Variants in ATP8A2 observed in about 807,000 individuals in gnomAD.
The protein encoded by ATP8A2 is phospholipid-transporting ATPase IB.
ATP8A2 carries 100 observed loss-of-function variants against 165.6 expected under a neutral mutation model. The ratio of observed to expected loss-of-function variants is 0.60; its 90% CI spans 0.51 to 0.71. ATP8A2 has a LOEUF of 0.71. Ranked by LOEUF, ATP8A2 falls within the 30% of genes least tolerant of loss-of-function variation. ATP8A2 has a pLI of 0.00. For missense variants in ATP8A2, 1,227 were observed against 1,479.5 expected (o/e 0.83, Z 2.80); for synonymous variants, 543 against 548.8 (o/e 0.99, Z 0.15).
intron 24 of ATP8A2, among the ~76,000 whole-genome samples, chr13:25,694,499 C>A (rs2042794769): frequency 6.6e-6 from 1 of 152,170 alleles, no homozygotes; most frequent in Non-Finnish European, 1.5e-5. Context: ...ATTTCCCAGA[C>A]TTACCTGAAT....
chr13:25,423,425 A>G (rs759985459), intron 1 of ATP8A2, among the ~76,000 whole-genome samples: 2 of 152,238 alleles, frequency 1.3e-5, no homozygotes, highest in African/African-American at 2.4e-5. Flanking sequence ...TTGCTGAGTG[A>G]TCCTTGGTCA....
At chr13:25,723,379 C>CTTTATACT (rs138168187) in intron 25 of ATP8A2, among the ~76,000 whole-genome samples, 2,941 of 152,218 alleles carry the variant, frequency 0.019, 82 homozygotes, top group African/African-American at 0.066. Context: ...CTTTCTCTAA[C>CTTTATACT]TTTATACTTT....
intron 1 of ATP8A2, among the ~76,000 whole-genome samples, chr13:25,385,181 G>T (rs927075914): frequency 2.0e-5 from 3 of 152,188 alleles, no homozygotes; most frequent in Admixed American, 2.0e-4. Context: ...TTCTTTTGCT[G>T]AAATGCCTGC....
At chr13:25,915,172 T>A (rs1954232187) in intron 33 of ATP8A2, among the ~76,000 whole-genome samples, 1 of 152,186 alleles carries the variant, frequency 6.6e-6, no homozygotes. Context: ...TTCTGTGAAA[T>A]TCTTCTTTAT....
intron 33 of ATP8A2, among the ~76,000 whole-genome samples, chr13:25,895,612 C>G (rs199519575): frequency 6.6e-6 from 1 of 152,068 alleles, no homozygotes; most frequent in Non-Finnish European, 1.5e-5. Flanking sequence ...GGAATGGTAC[C>G]AGCTCCTCCT....
intron 25 of ATP8A2, among the ~76,000 whole-genome samples, chr13:25,741,466 A>G (rs894129929): frequency 5.3e-5 from 8 of 152,184 alleles, no homozygotes; most frequent in African/African-American, 1.9e-4. Context: ...CTGCAGCCGC[A>G]AGCTCCCTGG....
At chr13:25,863,305 G>A (rs1040742406) in intron 33 of ATP8A2, 1 of 152,524 alleles carries the variant, frequency 6.6e-6, no homozygotes, top group African/African-American at 2.4e-5. Flanking sequence ...CTATTCTCTG[G>A]GCTCCCAGGA....
chr13:25,489,779 C>T (rs578184895), intron 2 of ATP8A2, among the ~76,000 whole-genome samples: 2 of 152,282 alleles, frequency 1.3e-5, no homozygotes, highest in South Asian at 2.1e-4. Context: ...ACTTATGCCT[C>T]GGAAATTGAT....
intron 19 of ATP8A2, 61 bp from the exon 20 acceptor site, chr13:25,577,008 G>A: frequency 7.4e-7 from 1 of 1,359,136 alleles, no homozygotes; most frequent in Admixed American, 1.7e-5. Context: ...TTGGTGTTCA[G>A]CTGTGGGATA....
chr13:25,426,474 A>T (rs1440777618), intron 1 of ATP8A2, among the ~76,000 whole-genome samples: 1 of 152,226 alleles, frequency 6.6e-6, no homozygotes, highest in South Asian at 2.1e-4. Flanking sequence ...ATTGTATTTC[A>T]ACATGAGATT....
intron 2 of ATP8A2, among the ~76,000 whole-genome samples, chr13:25,513,363 G>A (rs1353675107): frequency 2.6e-5 from 4 of 151,684 alleles, no homozygotes; most frequent in Admixed American, 1.3e-4. Flanking sequence ...GACGATGGGC[G>A]GCCGGGCAGA....
chr13:25,530,432 A>G, intron 3 of ATP8A2, 130 bp from the exon 4 acceptor site: 1 of 661,606 alleles, frequency 1.5e-6, no homozygotes, highest in Non-Finnish European at 2.7e-6. Context: ...AAAGTAAGGT[A>G]ATTATTTTTG....
intron 24 of ATP8A2, among the ~76,000 whole-genome samples, chr13:25,671,527 T>C (rs9581415): frequency 0.063 from 9,597 of 152,236 alleles, 592 homozygotes; most frequent in African/African-American, 0.15. Flanking sequence ...AAAGAGAATG[T>C]GTACCTGGAG....
intron 1 of ATP8A2, among the ~76,000 whole-genome samples, chr13:25,442,816 C>A (rs80073696): frequency 0.091 from 13,790 of 152,124 alleles, 782 homozygotes; most frequent in South Asian, 0.18. Context: ...ATGTCTATGC[C>A]AGTCCCTTGC....
chr13:25,384,213 A>C (rs551062778), intron 1 of ATP8A2, among the ~76,000 whole-genome samples: 1 of 152,268 alleles, frequency 6.6e-6, no homozygotes, highest in Non-Finnish European at 1.5e-5. Context: ...TTTGCAGCTT[A>C]GCTATTTTTT....
chr13:25,550,501 A>G (rs2038787542), intron 10 of ATP8A2, among the ~76,000 whole-genome samples: 1 of 152,104 alleles, frequency 6.6e-6, no homozygotes. Context: ...TCTAGTCCCA[A>G]ATGTTCCACC....
At chr13:25,988,407 CAT>C (rs1956311978) in intron 35 of ATP8A2, among the ~76,000 whole-genome samples, 1 of 152,218 alleles carries the variant, frequency 6.6e-6, no homozygotes, top group South Asian at 2.1e-4. Context: ...ATAATGATGA[CAT>C]GTGGGAAAGT....
At chr13:25,730,115 C>A (rs2043586867) in intron 25 of ATP8A2, among the ~76,000 whole-genome samples, 2 of 152,012 alleles carry the variant, frequency 1.3e-5, no homozygotes, top group South Asian at 4.2e-4. Context: ...TATGGTGTAA[C>A]CCCATCTCTA....
chr13:25,878,885 C>T (rs2138842819), intron 33 of ATP8A2, among the ~76,000 whole-genome samples: 1 of 152,266 alleles, frequency 6.6e-6, no homozygotes, highest in Middle Eastern at 3.4e-3. Context: ...CCTTCCCACT[C>T]TCTCTCCCTC....
Sources: gnomAD v4.1 joint callset for allele counts (sites outside exome capture counted in the v4.1 genomes callset) on GRCh38, gnomAD v4.1.1 for gene constraint, MANE v1.5 for transcripts, NCBI Gene and HGNC (gene_info 2026-07-23, HGNC 2026-07-21) for gene names.